Variants in ERC2 observed in about 807,000 individuals in gnomAD.
ERC2 encodes the protein ERC protein 2.
In ERC2, 42 loss-of-function variants were observed where a neutral mutation model predicts 114.8. The observed-to-expected ratio is 0.37, with a 90% CI of 0.29 to 0.47. ERC2 has a LOEUF of 0.47. Ranked by LOEUF, ERC2 falls within the 20% of genes least tolerant of loss-of-function variation. The pLI, the probability that ERC2 is intolerant of heterozygous loss-of-function variation, is 0.99. For synonymous variants in ERC2, 454 were observed against 425.5 expected (o/e 1.07, Z -0.82); for missense variants, 939 against 1,150.7 (o/e 0.82, Z 2.66).
At chr3:56,346,898 C>T (rs187550413) in intron 2 of ERC2, among the ~76,000 whole-genome samples, 9 of 152,228 alleles carry the variant, frequency 5.9e-5, no homozygotes, top group Admixed American at 4.6e-4. Context: ...GAGTTCACAG[C>T]CACAAACCCT....
intron 17 of ERC2, among the ~76,000 whole-genome samples, chr3:55,661,604 C>A (rs1276051753): frequency 6.6e-6 from 1 of 152,188 alleles, no homozygotes; most frequent in Non-Finnish European, 1.5e-5. Context: ...GATACTCTCT[C>A]TATTTTAAGA....
chr3:55,878,962 A>G (rs2062987953), intron 14 of ERC2, among the ~76,000 whole-genome samples: 1 of 152,158 alleles, frequency 6.6e-6, no homozygotes, highest in African/African-American at 2.4e-5. Context: ...ATATTTAATA[A>G]CCTAAGAGTT....
At chr3:56,210,238 C>T (rs921306723) in intron 3 of ERC2, among the ~76,000 whole-genome samples, 1 of 152,030 alleles carries the variant, frequency 6.6e-6, no homozygotes, top group African/African-American at 2.4e-5. Flanking sequence ...TTTGTGTTTC[C>T]TTTAATAAAA....
intron 7 of ERC2, among the ~76,000 whole-genome samples, chr3:56,079,406 G>T (rs2077124485): frequency 6.6e-6 from 1 of 152,142 alleles, no homozygotes; most frequent in Non-Finnish European, 1.5e-5. Flanking sequence ...AAAAGCTACA[G>T]TAAATGTCAG....
intron 17 of ERC2, among the ~76,000 whole-genome samples, chr3:55,556,432 C>T (rs1289320046): frequency 6.6e-6 from 1 of 152,206 alleles, no homozygotes; most frequent in African/African-American, 2.4e-5. Flanking sequence ...CAAGTTCCCA[C>T]CTCCTCCACT....
At chr3:55,641,985 T>C (rs1401108461) in intron 17 of ERC2, among the ~76,000 whole-genome samples, 1 of 152,196 alleles carries the variant, frequency 6.6e-6, no homozygotes, top group Non-Finnish European at 1.5e-5. Context: ...TGGCCAGAAA[T>C]CATTTGCATG....
chr3:56,163,280 G>A (rs1257343642), intron 4 of ERC2, among the ~76,000 whole-genome samples: 2 of 152,090 alleles, frequency 1.3e-5, no homozygotes, highest in East Asian at 3.9e-4. Flanking sequence ...TCACCTTATG[G>A]CCGAGCATGT....
chr3:55,750,253 TTAA>T (rs775749814), intron 14 of ERC2, among the ~76,000 whole-genome samples: 136 of 152,300 alleles, frequency 8.9e-4, no homozygotes, highest in Non-Finnish European at 1.7e-3. Context: ...TAAGAAATTG[TTAA>T]TAATTATTAT....
At chr3:55,964,457 C>T (rs1165592562) in intron 12 of ERC2, among the ~76,000 whole-genome samples, 5 of 149,170 alleles carry the variant, frequency 3.4e-5, no homozygotes, top group Admixed American at 3.3e-4. Context: ...AAGCTACAAT[C>T]TTTTTTTTTT....
chr3:56,308,744 T>C (rs1424528505), intron 2 of ERC2, among the ~76,000 whole-genome samples: 4 of 151,986 alleles, frequency 2.6e-5, no homozygotes, highest in African/African-American at 9.7e-5. Context: ...ATGAAAACCG[T>C]CTCCAAGCTA....
intron 6 of ERC2, among the ~76,000 whole-genome samples, chr3:56,081,426 A>T (rs1337193642): frequency 6.6e-6 from 1 of 152,160 alleles, no homozygotes; most frequent in Non-Finnish European, 1.5e-5. Context: ...AACAAGATTG[A>T]CATGTAGAGA....
At chr3:56,335,556 T>C (rs2057811808) in intron 2 of ERC2, among the ~76,000 whole-genome samples, 1 of 152,200 alleles carries the variant, frequency 6.6e-6, no homozygotes, top group Non-Finnish European at 1.5e-5. Flanking sequence ...TAATGATCTA[T>C]AACCCATAAG....
chr3:56,193,162 AAC>A (rs1341030112), intron 3 of ERC2, among the ~76,000 whole-genome samples: 2 of 152,210 alleles, frequency 1.3e-5, no homozygotes, highest in Non-Finnish European at 2.9e-5. Flanking sequence ...TAGTTTAGAA[AAC>A]AGTGTGTACT....
At chr3:56,331,105 AC>A (rs1042275995) in intron 2 of ERC2, among the ~76,000 whole-genome samples, 4 of 152,088 alleles carry the variant, frequency 2.6e-5, no homozygotes, top group African/African-American at 9.7e-5. Flanking sequence ...GCTCCTGTAG[AC>A]CCTCTTCTTA....
At chr3:55,794,848 T>C (rs1335691455) in intron 14 of ERC2, among the ~76,000 whole-genome samples, 1 of 152,218 alleles carries the variant, frequency 6.6e-6, no homozygotes, top group Non-Finnish European at 1.5e-5. Context: ...TTGGTTCTGA[T>C]GGTTTGGCTG....
intron 17 of ERC2, among the ~76,000 whole-genome samples, chr3:55,601,792 A>G (rs1339008277): frequency 2.0e-5 from 3 of 152,196 alleles, no homozygotes; most frequent in Admixed American, 1.3e-4. Flanking sequence ...ACACCACTGC[A>G]CTCTAGACTG....
At chr3:56,040,354 G>A (rs2075057529) in intron 7 of ERC2, among the ~76,000 whole-genome samples, 1 of 150,852 alleles carries the variant, frequency 6.6e-6, no homozygotes, top group Non-Finnish European at 1.5e-5. Context: ...TGCTTGGAGA[G>A]CTTCCTTTGC....
At chr3:55,642,003 C>T (rs984016128) in intron 17 of ERC2, among the ~76,000 whole-genome samples, 1 of 152,250 alleles carries the variant, frequency 6.6e-6, no homozygotes, top group Non-Finnish European at 1.5e-5. Flanking sequence ...ATGGTGGAGA[C>T]ATGCAATGTT....
intron 14 of ERC2, among the ~76,000 whole-genome samples, chr3:55,851,687 C>A (rs1347870905): frequency 3.3e-5 from 5 of 151,954 alleles, no homozygotes; most frequent in African/African-American, 1.2e-4. Context: ...TTCCTGCCCA[C>A]CTAACTTTTA....
Sources: allele counts gnomAD v4.1 joint callset (sites outside exome capture counted in the v4.1 genomes callset), GRCh38; gene constraint gnomAD v4.1.1; transcripts MANE v1.5; gene names NCBI Gene and HGNC (gene_info 2026-07-23, HGNC 2026-07-21).